The following PIN4 variants were observed in gnomAD, a reference collection of about 807,000 sequenced individuals.
PIN4 encodes the protein peptidylprolyl cis/trans isomerase, NIMA-interacting 4.
A neutral mutation model predicts 8.3 loss-of-function variants in PIN4; 3 were observed. The ratio of observed to expected loss-of-function variants is 0.36; its 90% CI spans 0.16 to 0.93. The LOEUF (loss-of-function observed/expected upper bound fraction) is 0.93. Among genes scored for constraint, PIN4 ranks in the 40% least tolerant of loss-of-function variants. The probability of loss-of-function intolerance (pLI) is 0.44; values close to 1 mark genes in which losing one functional copy is unlikely to be tolerated. For missense variants in PIN4, 75 were observed against 100.6 expected (o/e 0.75, Z 1.09); for synonymous variants, 18 against 32.5 (o/e 0.55, Z 1.52).
intron 2 of PIN4, among the ~76,000 whole-genome samples, chrX:72,195,595 C>T (rs1325425967): frequency 9.1e-6 from 1 of 110,061 alleles, no homozygotes; most frequent in Non-Finnish European, 1.9e-5. Context: ...GAGCCAAGAT[C>T]GGGCCACTGC....
intron 3 of PIN4, among the ~76,000 whole-genome samples, chrX:72,228,603 A>C (rs1372553918): frequency 9.0e-6 from 1 of 111,660 alleles, no homozygotes; most frequent in Non-Finnish European, 1.9e-5. Flanking sequence ...CTTCCTAATC[A>C]ACCTTGTTAC....
chrX:72,220,677 C>T (rs960756133), intron 3 of PIN4, among the ~76,000 whole-genome samples: 5 of 110,301 alleles, frequency 4.5e-5, no homozygotes, highest in African/African-American at 1.7e-4. Context: ...GAGATTCCAA[C>T]CCCGCCATAA....
chrX:72,183,363 G>A (rs1165444768), intron 1 of PIN4, among the ~76,000 whole-genome samples: 1 of 111,592 alleles, frequency 9.0e-6, no homozygotes, highest in Non-Finnish European at 1.9e-5. Flanking sequence ...ACTTATAGAT[G>A]GTAGTTGAGC....
At position 72,204,414 on chromosome X, in the gene PIN4, CTT is replaced by C. The variant is rs199689471; in HGVS notation, c.312+7513_312+7514del. Among the ~76,000 whole-genome samples the C allele has an allele frequency of 8.7e-3, 972 of 112,114 alleles. 9 individuals are homozygous for C. The highest frequency in any genetic ancestry group is 0.03 in the African/African-American group (912 of 30,835). ...TAGCTGAAGGGGTCTAACAGAATCT[CTT>C]TTCTCTTGGGGATGCTGAGTAAACA... On this transcript the variant is annotated intron_variant, in intron 3 of 3. Transcript: ENST00000423432.
chrX:72,210,681 C>G (rs1401553176), intron 3 of PIN4, among the ~76,000 whole-genome samples: 2 of 111,374 alleles, frequency 1.8e-5, no homozygotes, highest in Non-Finnish European at 3.8e-5. Context: ...TTTTAAATGG[C>G]AACTGTGTGC....
At chrX:72,210,502 T>C (rs2042847922) in intron 3 of PIN4, among the ~76,000 whole-genome samples, 1 of 111,174 alleles carries the variant, frequency 9.0e-6, no homozygotes, top group Admixed American at 9.6e-5. Flanking sequence ...ATTCTTAAAT[T>C]ATTAGATTAT....
downstream of PIN4, among the ~76,000 whole-genome samples, chrX:72,202,024 G>C (rs1270338467): frequency 6.2e-5 from 7 of 112,858 alleles, no homozygotes; most frequent in Non-Finnish European, 1.3e-4. Context: ...AGGATGACGT[G>C]AAGTTACAAG....
At chrX:72,242,801 G>A (rs2043053882) in intron 3 of PIN4, among the ~76,000 whole-genome samples, 1 of 111,937 alleles carries the variant, frequency 8.9e-6, no homozygotes, top group Non-Finnish European at 1.9e-5. Context: ...GGATCACAAG[G>A]TCAGGAGTTC....
intron 2 of PIN4, among the ~76,000 whole-genome samples, chrX:72,188,658 G>A (rs1042343365): frequency 9.0e-6 from 1 of 111,692 alleles, no homozygotes; most frequent in African/African-American, 3.3e-5. Flanking sequence ...CGTGCCTGGC[G>A]GCTTTAGCTA....
intron 3 of PIN4, among the ~76,000 whole-genome samples, chrX:72,236,920 ATAC>A (rs1253412469): frequency 8.9e-6 from 1 of 112,442 alleles, no homozygotes; most frequent in African/African-American, 3.2e-5. Flanking sequence ...GTAGAAGAAA[ATAC>A]TACAAGTCTT....
intron 3 of PIN4, among the ~76,000 whole-genome samples, chrX:72,253,988 AG>A (rs898217958): frequency 9.1e-6 from 1 of 109,912 alleles, no homozygotes; most frequent in Non-Finnish European, 1.9e-5. Flanking sequence ...TAAAAGAAAA[AG>A]AAAAGAAAAG....
At chrX:72,191,640 C>T (rs780355237) in intron 2 of PIN4, among the ~76,000 whole-genome samples, 4 of 111,980 alleles carry the variant, frequency 3.6e-5, no homozygotes, top group South Asian at 7.4e-4. Flanking sequence ...AGTCTCACAG[C>T]GTTAGTGTGA....
chrX:72,251,361 T>TAAAAAAAAAAAAAAAAAA (rs2043086773), intron 3 of PIN4, among the ~76,000 whole-genome samples: 1 of 3,550 alleles, frequency 2.8e-4, no homozygotes, highest in Admixed American at 5.3e-3. Flanking sequence ...AGACTCTGTC[T>TAAAAAAAAAAAAAAAAAA]CAAAAAAAAA....
In PIN4 at chrX:72,205,800, T is replaced by C. The variant is rs775828642; in HGVS notation, c.312+8896T>C. ...ATGTTTTGCTATGCACAAACCCTGC[T>C]CTGGAATTAGGTGCAGAGCCACACA... On this transcript the variant is annotated intron_variant, in intron 3 of 3. Transcript: ENST00000423432. The C allele has an allele frequency of 9.9e-6, 12 of 1,210,534 alleles. No homozygotes were observed. In the African/African-American group the frequency reaches 1.6e-4, roughly 16 times the overall value.
chrX:72,199,982 G>A (rs1334863629), downstream of PIN4, among the ~76,000 whole-genome samples: 2 of 111,135 alleles, frequency 1.8e-5, no homozygotes, highest in African/African-American at 6.5e-5. Flanking sequence ...CCTGGCCATC[G>A]TGGTAGAATC....
chrX:72,215,346 A>C (rs760332600), intron 3 of PIN4, among the ~76,000 whole-genome samples: 1 of 111,795 alleles, frequency 8.9e-6, no homozygotes, highest in Non-Finnish European at 1.9e-5. Flanking sequence ...CCAAATGTAC[A>C]CTTAAGATTT....
chrX:72,204,503 C>T (rs1162396251), intron 3 of PIN4, among the ~76,000 whole-genome samples: 2 of 111,852 alleles, frequency 1.8e-5, no homozygotes, highest in Non-Finnish European at 3.8e-5. Flanking sequence ...TGGAACTTTC[C>T]TCACTTGTGG....
At chrX:72,237,652 T>C (rs1344506850) in intron 3 of PIN4, among the ~76,000 whole-genome samples, 1 of 106,098 alleles carries the variant, frequency 9.4e-6, no homozygotes, top group East Asian at 3.0e-4. Context: ...TGGTCCCAGC[T>C]ACTCCGGAAA....
At chrX:72,242,255 ACCAACACTCGGCTTGCCTGC>A (rs2043052018) in intron 3 of PIN4, among the ~76,000 whole-genome samples, 1 of 112,338 alleles carries the variant, frequency 8.9e-6, no homozygotes, top group South Asian at 3.7e-4. Flanking sequence ...GGAAGGAAGG[ACCAACACTCGGCTTGCCTGC>A]CCTTTGGCTA....
Sources: allele counts gnomAD v4.1 joint callset (sites outside exome capture counted in the v4.1 genomes callset), GRCh38; gene constraint gnomAD v4.1.1; transcripts MANE v1.5; gene names NCBI Gene and HGNC (gene_info 2026-07-23, HGNC 2026-07-21).